NRXN1: variants seen among roughly 807,000 people sequenced by gnomAD.
NRXN1 encodes the protein neurexin-1.
Under a neutral mutation model 150.9 loss-of-function variants are expected in NRXN1, and 39 were observed. That is an observed-to-expected ratio of 0.26 (90% CI 0.20 to 0.34). The LOEUF is 0.34. NRXN1 is among the 10% of genes least tolerant of loss of function. NRXN1 has a pLI of 1.00. For missense variants in NRXN1, 1,815 were observed against 1,949.9 expected (o/e 0.93, Z 1.30); for synonymous variants, 924 against 757.0 (o/e 1.22, Z -3.62).
At chr2:50,274,894 C>T (rs994522234) in intron 17 of NRXN1, among the ~76,000 whole-genome samples, 10 of 152,132 alleles carry the variant, frequency 6.6e-5, no homozygotes, top group African/African-American at 2.4e-4. Flanking sequence ...TAAAAACAGG[C>T]TTCTGTACAA....
intron 5 of NRXN1, among the ~76,000 whole-genome samples, chr2:50,793,059 G>T (rs1056350629): frequency 6.6e-6 from 1 of 152,018 alleles, no homozygotes; most frequent in Non-Finnish European, 1.5e-5. Context: ...ATTAGTTAAC[G>T]AGAGACATTT....
intron 8 of NRXN1, among the ~76,000 whole-genome samples, chr2:50,593,703 TA>T (rs1674662747): frequency 6.6e-6 from 1 of 152,184 alleles, no homozygotes; most frequent in Admixed American, 6.5e-5. Flanking sequence ...TTGACTTATT[TA>T]AAAACATCTA....
chr2:49,980,321 A>G (rs1679784968), intron 21 of NRXN1, among the ~76,000 whole-genome samples: 1 of 152,178 alleles, frequency 6.6e-6, no homozygotes, highest in Non-Finnish European at 1.5e-5. Flanking sequence ...ATTGTTAACA[A>G]ACATTCCATC....
intron 18 of NRXN1, among the ~76,000 whole-genome samples, chr2:50,126,815 G>C (rs1574054160): frequency 6.6e-6 from 1 of 152,172 alleles, no homozygotes; most frequent in South Asian, 2.1e-4. Flanking sequence ...GTCCCAAAAA[G>C]ACAGGATGGG....
chr2:50,159,260 C>T (rs1357702468), intron 18 of NRXN1, among the ~76,000 whole-genome samples: 1 of 152,096 alleles, frequency 6.6e-6, no homozygotes, highest in Non-Finnish European at 1.5e-5. Context: ...TCAAAACCAA[C>T]AAAGACAAAC....
chr2:50,469,324 C>T (rs568879109), intron 16 of NRXN1, among the ~76,000 whole-genome samples: 1 of 151,720 alleles, frequency 6.6e-6, no homozygotes, highest in South Asian at 2.1e-4. Flanking sequence ...TGAACCATTA[C>T]TCCCTGAAAT....
At chr2:49,927,804 C>T (rs890426044) in intron 22 of NRXN1, among the ~76,000 whole-genome samples, 5 of 152,080 alleles carry the variant, frequency 3.3e-5, no homozygotes, top group Non-Finnish European at 7.4e-5. Context: ...TTTTATCACT[C>T]AAATTGTCAT....
chr2:50,977,892 T>G (rs1326622775), intron 2 of NRXN1, among the ~76,000 whole-genome samples: 1 of 151,814 alleles, frequency 6.6e-6, no homozygotes, highest in East Asian at 1.9e-4. Flanking sequence ...TATTATCATT[T>G]TTAAAGTGTT....
intron 17 of NRXN1, among the ~76,000 whole-genome samples, chr2:50,366,591 C>T (rs1239704197): frequency 6.6e-6 from 1 of 151,864 alleles, no homozygotes; most frequent in Admixed American, 6.6e-5. Flanking sequence ...GTGAGAGTGC[C>T]CTTGTGACCC....
intron 17 of NRXN1, among the ~76,000 whole-genome samples, chr2:50,313,909 C>T (rs956146794): frequency 1.3e-5 from 2 of 152,038 alleles, no homozygotes; most frequent in African/African-American, 2.4e-5. Flanking sequence ...TCATGGGGAG[C>T]TCTGCTGTAA....
intron 17 of NRXN1, among the ~76,000 whole-genome samples, chr2:50,374,041 T>C (rs1371990220): frequency 6.6e-6 from 1 of 150,898 alleles, no homozygotes; most frequent in Non-Finnish European, 1.5e-5. Context: ...CTCACACTTG[T>C]AATCTCAGCA....
At chr2:51,018,148 A>G (rs1244041269) in intron 2 of NRXN1, among the ~76,000 whole-genome samples, 1 of 152,080 alleles carries the variant, frequency 6.6e-6, no homozygotes, top group East Asian at 1.9e-4. Context: ...TTGTGTTTCC[A>G]TCATGGATTA....
At chr2:50,403,163 T>C (rs1558669961) in intron 17 of NRXN1, among the ~76,000 whole-genome samples, 1 of 152,100 alleles carries the variant, frequency 6.6e-6, no homozygotes, top group Non-Finnish European at 1.5e-5. Context: ...GAACAATGTA[T>C]GTTGCTCAGA....
Position 50,347,878 on chromosome 2 carries a change from G to C in NRXN1, c.3365-110908C>G. On this transcript the variant is annotated intron_variant, in intron 17 of 22. Transcript: ENST00000401669. This position sits in a 1 kb window ranked among gnomAD's most constrained non-coding sequence, Gnocchi z 4.9. The stretch of plus-strand genomic sequence containing the variant: ...ACGAGCCTATGTAACGAGGGAGGCT[G>C]GTCTAGCTTCCCACGAAAATCGCCC... 1 of 979,230 alleles carries C rather than the reference G, an allele frequency of 1.0e-6. No homozygotes were observed. The highest frequency in any genetic ancestry group is 1.2e-6 in the Non-Finnish European group (1 of 824,324). The allele number at this position is 979,230 out of a possible 1,614,324, so 60.7% of individuals were successfully genotyped here. A position where few individuals can be genotyped will look rare whatever the true frequency, so the allele number is the denominator to read the frequency against.
At chr2:50,904,059 C>T (rs1683322518) in intron 5 of NRXN1, among the ~76,000 whole-genome samples, 1 of 152,130 alleles carries the variant, frequency 6.6e-6, no homozygotes, top group Non-Finnish European at 1.5e-5. Context: ...GCTCTTTCCG[C>T]ACTCTTAAGC....
intron 17 of NRXN1, among the ~76,000 whole-genome samples, chr2:50,389,708 T>C (rs1202641306): frequency 6.6e-6 from 1 of 152,164 alleles, no homozygotes; most frequent in East Asian, 1.9e-4. Flanking sequence ...TTTATCAATG[T>C]CCATCTTCCA....
intron 21 of NRXN1, among the ~76,000 whole-genome samples, chr2:49,989,784 G>C (rs1681606809): frequency 6.6e-6 from 1 of 152,116 alleles, no homozygotes; most frequent in Non-Finnish European, 1.5e-5. Context: ...ATGATTGGTA[G>C]GAAAGTAGTA....
At chr2:50,434,123 C>T (rs574324350) in intron 17 of NRXN1, among the ~76,000 whole-genome samples, 1 of 139,806 alleles carries the variant, frequency 7.2e-6, no homozygotes, top group East Asian at 2.3e-4. Context: ...ATGGCTGGCG[C>T]ATCTCCGCTC....
Position 50,128,352 on chromosome 2 carries a change from A to C in NRXN1, c.3547-36858T>G, listed in dbSNP as rs73932943. The stretch of plus-strand genomic sequence containing the variant: ...TGAGTCCATAGTATTATATGCTCCG[A>C]TGCTTTAGCCAATTAAGTTAAATCC... On this transcript the variant is annotated intron_variant, in intron 18 of 22. Transcript: ENST00000401669. Among the ~76,000 whole-genome samples, 1,285 of 152,356 alleles carry C rather than the reference A, an allele frequency of 8.4e-3. 19 individuals are homozygous for C. The highest frequency in any genetic ancestry group is 0.03 in the African/African-American group (1,229 of 41,574).
Sources: allele counts gnomAD v4.1 joint callset (sites outside exome capture counted in the v4.1 genomes callset), GRCh38; gene constraint gnomAD v4.1.1; non-coding constraint Gnocchi (gnomAD v3.1); transcripts MANE v1.5; gene names NCBI Gene and HGNC (gene_info 2026-07-23, HGNC 2026-07-21).